DOCK2: variants seen among roughly 807,000 people sequenced by gnomAD.
DOCK2 encodes dedicator of cytokinesis 2, also known as dedicator of cytokinesis protein 2.
Under a neutral mutation model 248.9 loss-of-function variants are expected in DOCK2, and 87 were observed. The observed-to-expected ratio is 0.35, with a 90% CI of 0.29 to 0.42. The LOEUF (loss-of-function observed/expected upper bound fraction) is 0.42. DOCK2 is among the 10% of genes least tolerant of loss of function. The pLI, the probability that DOCK2 is intolerant of heterozygous loss-of-function variation, is 1.00. For synonymous variants in DOCK2, 805 were observed against 821.6 expected, an observed-to-expected ratio of 0.98 and a Z score of 0.35; for missense variants, 1,747 against 2,300.2, an observed-to-expected ratio of 0.76 and a Z score of 4.92.
chr5:169,851,537 A>G (rs1770617260), intron 27 of DOCK2, among the ~76,000 whole-genome samples: 1 of 152,194 alleles, frequency 6.6e-6, no homozygotes, highest in Non-Finnish European at 1.5e-5. Context: ...TGATGATGTC[A>G]CTGCTGCCAT....
intron 27 of DOCK2, among the ~76,000 whole-genome samples, chr5:169,897,114 T>C (rs1269841296): frequency 6.6e-6 from 1 of 152,240 alleles, no homozygotes; most frequent in East Asian, 1.9e-4. Flanking sequence ...ATCTAAAATT[T>C]TAGGCTTTCT....
chr5:170,018,349 G>A (rs1414328822), intron 32 of DOCK2, among the ~76,000 whole-genome samples: 1 of 152,180 alleles, frequency 6.6e-6, no homozygotes, highest in African/African-American at 2.4e-5. Context: ...GTGAAATTGT[G>A]ACATTTGAGC....
chr5:169,677,724 G>T (rs555694951), intron 6 of DOCK2, among the ~76,000 whole-genome samples: 1 of 152,192 alleles, frequency 6.6e-6, no homozygotes, highest in Admixed American at 6.5e-5. Context: ...TGAAGTGCAG[G>T]CTCTGCTGCT....
chr5:169,882,473 G>T, intron 27 of DOCK2: 1 of 1,255,834 alleles, frequency 8.0e-7, no homozygotes, highest in Non-Finnish European at 1.1e-6. Context: ...TTTACTAAAA[G>T]AAACCAAAGC....
At chr5:169,979,664 T>C (rs1344299488) in intron 27 of DOCK2, among the ~76,000 whole-genome samples, 5 of 152,182 alleles carry the variant, frequency 3.3e-5, no homozygotes, top group Non-Finnish European at 7.3e-5. Flanking sequence ...AACACTGTCA[T>C]TTTTCATTAA....
intron 22 of DOCK2, among the ~76,000 whole-genome samples, chr5:169,721,257 G>A (rs891780611): frequency 2.6e-5 from 4 of 152,208 alleles, no homozygotes; most frequent in African/African-American, 9.6e-5. Context: ...TAGAATAGCA[G>A]CACATCACTG....
At chr5:169,837,417 G>A (rs1769654189) in intron 26 of DOCK2, among the ~76,000 whole-genome samples, 1 of 152,106 alleles carries the variant, frequency 6.6e-6, no homozygotes, top group South Asian at 2.1e-4. Context: ...TTGCATATAT[G>A]CTATACATTC....
At chr5:170,077,401 C>A (rs982104764) in intron 47 of DOCK2, among the ~76,000 whole-genome samples, 7 of 152,204 alleles carry the variant, frequency 4.6e-5, no homozygotes, top group African/African-American at 1.7e-4. Context: ...TTCTGGCCAT[C>A]AGGAGCCATC....
rs190897680 is a variant in DOCK2 at position 169,894,241 on chromosome 5, G to A, written c.2799+53389G>A. Among the ~76,000 whole-genome samples, 546 of 152,316 alleles carry A rather than the reference G, an allele frequency of 3.6e-3. 4 individuals are homozygous for A. Among genetic ancestry groups the A allele is most frequent in the Non-Finnish European group, 5.8e-3 (394 of 68,034 alleles). ...GAGAGGTGCGAGATTTGCCCAAGAT[G>A]AAGGTGGTCTGGCAGGACCAAAAGG... On this transcript the variant is annotated intron_variant, in intron 27 of 51. Coordinates refer to ENST00000520908, the MANE Select transcript of DOCK2 (RefSeq NM_004946.3).
chr5:169,913,858 T>C (rs1476058488), intron 27 of DOCK2, among the ~76,000 whole-genome samples: 2 of 152,248 alleles, frequency 1.3e-5, no homozygotes, highest in Non-Finnish European at 2.9e-5. Flanking sequence ...TTTTGTATAC[T>C]GAGCAAGAAG....
At chr5:169,706,692 T>A (rs1761285425) in intron 14 of DOCK2, among the ~76,000 whole-genome samples, 1 of 152,234 alleles carries the variant, frequency 6.6e-6, no homozygotes, top group Admixed American at 6.5e-5. Context: ...CAGTTCTGGT[T>A]CATTGGTTAC....
At chr5:169,751,326 T>G (rs1278804141) in intron 23 of DOCK2, among the ~76,000 whole-genome samples, 1 of 152,166 alleles carries the variant, frequency 6.6e-6, no homozygotes, top group Non-Finnish European at 1.5e-5. Flanking sequence ...CTTAAGAGAA[T>G]AAACCCACAA....
chr5:169,857,733 TA>T (rs745578660), intron 27 of DOCK2, among the ~76,000 whole-genome samples: 540 of 108,032 alleles, frequency 5.0e-3, no homozygotes, highest in Non-Finnish European at 5.0e-3. Context: ...GGAACAAAAC[TA>T]AAAAAAAAAA....
chr5:170,010,313 A>T (rs1282236182), intron 32 of DOCK2, among the ~76,000 whole-genome samples: 3 of 152,098 alleles, frequency 2.0e-5, no homozygotes, highest in African/African-American at 7.2e-5. Flanking sequence ...TTCTCAGTCT[A>T]TCTTTTGTTT....
chr5:170,003,369 A>G (rs1754908583), intron 30 of DOCK2, among the ~76,000 whole-genome samples: 1 of 152,254 alleles, frequency 6.6e-6, no homozygotes, highest in African/African-American at 2.4e-5. Context: ...AGACACTGAC[A>G]CATGTGCTCT....
chr5:170,054,369 G>T (rs1315804576), intron 41 of DOCK2, among the ~76,000 whole-genome samples: 1 of 152,092 alleles, frequency 6.6e-6, no homozygotes, highest in African/African-American at 2.4e-5. Context: ...GGGAAGAGGG[G>T]TCAGGAGTGG....
At chr5:169,816,967 G>A (rs546608980) in intron 26 of DOCK2, among the ~76,000 whole-genome samples, 2 of 152,308 alleles carry the variant, frequency 1.3e-5, no homozygotes, top group African/African-American at 2.4e-5. Flanking sequence ...GCCCACAGAT[G>A]TATTGTGTTT....
intron 27 of DOCK2, among the ~76,000 whole-genome samples, chr5:169,915,962 AAGATG>A: frequency 6.6e-6 from 1 of 152,222 alleles, no homozygotes; most frequent in East Asian, 1.9e-4. Flanking sequence ...TGAATTCTGT[AAGATG>A]ATAAAAAACA....
chr5:170,057,388 A>C, intron 43 of DOCK2, 192 bp from the exon 44 acceptor site: 1 of 651,738 alleles, frequency 1.5e-6, no homozygotes, highest in Non-Finnish European at 2.8e-6. Flanking sequence ...GAGAGCTTAC[A>C]CTTAATGTTG....
Sources: allele counts gnomAD v4.1 joint callset (sites outside exome capture counted in the v4.1 genomes callset), GRCh38; gene constraint gnomAD v4.1.1; transcripts MANE v1.5; gene names NCBI Gene and HGNC (gene_info 2026-07-23, HGNC 2026-07-21).